Variants in GALNT13 observed in about 807,000 individuals in gnomAD.
GALNT13 encodes polypeptide N-acetylgalactosaminyltransferase 13.
GALNT13 carries 28 observed loss-of-function variants against 64.2 expected under a neutral mutation model. That is an observed-to-expected ratio of 0.44 (90% CI 0.32 to 0.60). The LOEUF is 0.60. Ranked by LOEUF, GALNT13 falls within the 20% of genes least tolerant of loss-of-function variation. GALNT13 has a pLI of 0.05. For synonymous variants in GALNT13, 214 were observed against 224.6 expected (o/e 0.95, Z 0.42); for missense variants, 577 against 669.8 (o/e 0.86, Z 1.53).
At chr2:153,777,939 A>T in the GALNT13 span, among the ~76,000 whole-genome samples, 3 of 152,214 alleles carry the variant, frequency 2.0e-5, no homozygotes, top group Admixed American at 2.0e-4. Flanking sequence ...CAGATCACAC[A>T]TCAGCTTGGA....
At chr2:153,131,850 T>C in the GALNT13 span, among the ~76,000 whole-genome samples, 12,688 of 152,008 alleles carry the variant, frequency 0.083, 648 homozygotes, top group East Asian at 0.2. Flanking sequence ...AGTAAATTGA[T>C]GAGTGACTTC....
At chr2:153,920,893 A>G (rs1689711221) in intron 2 of GALNT13, among the ~76,000 whole-genome samples, 1 of 152,208 alleles carries the variant, frequency 6.6e-6, no homozygotes, top group Non-Finnish European at 1.5e-5. Context: ...ATCACTGATC[A>G]TTTGAGAAAT....
chr2:153,831,216 CTTAAG>C, the GALNT13 span, among the ~76,000 whole-genome samples: 5 of 152,068 alleles, frequency 3.3e-5, no homozygotes, highest in East Asian at 9.6e-4. Context: ...TTCAGTTCAA[CTTAAG>C]TTATCACTAT....
the GALNT13 span, among the ~76,000 whole-genome samples, chr2:153,322,967 A>G: frequency 1.3e-5 from 2 of 152,112 alleles, no homozygotes; most frequent in Admixed American, 6.6e-5. Context: ...ATACGTGTGC[A>G]TGTGTCTTTA....
At chr2:154,304,098 A>G (rs893069616) in intron 9 of GALNT13, among the ~76,000 whole-genome samples, 2 of 152,186 alleles carry the variant, frequency 1.3e-5, no homozygotes, top group Admixed American at 6.5e-5. Flanking sequence ...GAGCAGAAGG[A>G]GCAGTATGAA....
chr2:154,243,052 T>G (rs1689582897), intron 6 of GALNT13, 147 bp downstream of exon 6: 2 of 621,146 alleles, frequency 3.2e-6, no homozygotes, highest in African/African-American at 3.7e-5. Context: ...CCCACTTGCT[T>G]GATAAATAAG....
chr2:153,693,357 T>G, the GALNT13 span, among the ~76,000 whole-genome samples: 1 of 152,166 alleles, frequency 6.6e-6, no homozygotes, highest in Non-Finnish European at 1.5e-5. Context: ...CTAGGAGATA[T>G]GAGAAGTCTA....
the GALNT13 span, among the ~76,000 whole-genome samples, chr2:153,232,263 C>T: frequency 2.6e-5 from 4 of 152,212 alleles, no homozygotes; most frequent in East Asian, 7.7e-4. Flanking sequence ...AAACCTAAAC[C>T]TTAAATTAAC....
At chr2:154,334,591 A>G (rs1695339807) in intron 9 of GALNT13, among the ~76,000 whole-genome samples, 1 of 151,958 alleles carries the variant, frequency 6.6e-6, no homozygotes, top group Non-Finnish European at 1.5e-5. Context: ...ATTTGCTTGC[A>G]TCAGAAAACT....
the GALNT13 span, among the ~76,000 whole-genome samples, chr2:153,154,417 A>T: frequency 6.6e-6 from 1 of 152,224 alleles, no homozygotes; most frequent in East Asian, 1.9e-4. Flanking sequence ...TAAATTACTC[A>T]GTCTCAGGTA....
chr2:154,430,393 A>G (rs1700658464), intron 11 of GALNT13, among the ~76,000 whole-genome samples: 1 of 152,162 alleles, frequency 6.6e-6, no homozygotes, highest in Admixed American at 6.6e-5. Flanking sequence ...ATAATTTCAG[A>G]TAAGGTGGAA....
chr2:154,446,200 G>C (rs1047630738), intron 12 of GALNT13, among the ~76,000 whole-genome samples: 75 of 152,072 alleles, frequency 4.9e-4, no homozygotes, highest in African/African-American at 1.8e-3. Flanking sequence ...GGCCATAGCT[G>C]GACTAATCAA....
chr2:154,041,198 T>C (rs539002615), intron 3 of GALNT13, among the ~76,000 whole-genome samples: 2 of 140,958 alleles, frequency 1.4e-5, no homozygotes, highest in African/African-American at 4.9e-5. Flanking sequence ...GAAATGTAGC[T>C]TCTTTTATGT....
At chr2:154,263,929 C>G (rs1462132459) in intron 8 of GALNT13, among the ~76,000 whole-genome samples, 1 of 152,168 alleles carries the variant, frequency 6.6e-6, no homozygotes, top group Non-Finnish European at 1.5e-5. Flanking sequence ...GGGAAACAAA[C>G]AAGGAAAGCC....
At chr2:154,021,676 A>C (rs1697509690) in intron 3 of GALNT13, among the ~76,000 whole-genome samples, 1 of 151,610 alleles carries the variant, frequency 6.6e-6, no homozygotes, top group Non-Finnish European at 1.5e-5. Flanking sequence ...CTCTTTTCCT[A>C]ATTGAATACC....
the GALNT13 span, among the ~76,000 whole-genome samples, chr2:153,290,963 A>C: frequency 6.6e-6 from 1 of 152,196 alleles, no homozygotes; most frequent in African/African-American, 2.4e-5. Flanking sequence ...AATTTAGCAG[A>C]TCTAAATCTA....
At chr2:153,457,862 C>G in the GALNT13 span, among the ~76,000 whole-genome samples, 1 of 152,192 alleles carries the variant, frequency 6.6e-6, no homozygotes, top group East Asian at 1.9e-4. Context: ...GTCAATGACT[C>G]TGGTCATGTT....
At chr2:153,345,719 GTCCT>G in the GALNT13 span, among the ~76,000 whole-genome samples, 2,897 of 79,938 alleles carry the variant, frequency 0.036, 175 homozygotes, top group African/African-American at 0.08. Flanking sequence ...CTCTCTTTCT[GTCCT>G]TCCTTCCTTC....
chr2:153,335,110 C>A, the GALNT13 span, among the ~76,000 whole-genome samples: 1 of 152,196 alleles, frequency 6.6e-6, no homozygotes, highest in Non-Finnish European at 1.5e-5. Flanking sequence ...TTTTGCCTCC[C>A]ACCATGATTC....
Sources: allele counts gnomAD v4.1 joint callset (sites outside exome capture counted in the v4.1 genomes callset), GRCh38; gene constraint gnomAD v4.1.1; transcripts MANE v1.5; gene names NCBI Gene and HGNC (gene_info 2026-07-23, HGNC 2026-07-21).